The following ADGRB3 variants were observed in gnomAD, a reference collection of about 807,000 sequenced individuals.
ADGRB3 encodes adhesion G protein-coupled receptor B3, also known as brain-specific angiogenesis inhibitor 3.
A neutral mutation model predicts 193.4 loss-of-function variants in ADGRB3; 37 were observed. That is an observed-to-expected ratio of 0.19 (90% CI 0.15 to 0.25). ADGRB3 has a LOEUF of 0.25. Among genes scored for constraint, ADGRB3 ranks in the 10% least tolerant of loss-of-function variants. The pLI, the probability that ADGRB3 is intolerant of heterozygous loss-of-function variation, is 1.00. For synonymous variants in ADGRB3, 690 were observed against 644.2 expected, an observed-to-expected ratio of 1.07 and a Z score of -1.08; for missense variants, 1,637 against 1,852.9, an observed-to-expected ratio of 0.88 and a Z score of 2.14.
At chr6:69,087,276 A>G (rs1222225121) in intron 17 of ADGRB3, among the ~76,000 whole-genome samples, 1 of 152,198 alleles carries the variant, frequency 6.6e-6, no homozygotes, top group Non-Finnish European at 1.5e-5. Flanking sequence ...ATTCATTACC[A>G]TTCACCTCTC....
intron 17 of ADGRB3, among the ~76,000 whole-genome samples, chr6:69,090,595 C>T (rs1056745465): frequency 6.6e-6 from 1 of 152,120 alleles, no homozygotes; most frequent in African/African-American, 2.4e-5. Flanking sequence ...AATGTTGGTA[C>T]TGGGGACACA....
chr6:69,222,572 A>G (rs1166466038), intron 17 of ADGRB3, among the ~76,000 whole-genome samples: 2 of 152,172 alleles, frequency 1.3e-5, no homozygotes, highest in Non-Finnish European at 2.9e-5. Flanking sequence ...TTCATAGATC[A>G]TATAGATCAT....
chr6:69,178,966 A>T (rs1431606727), intron 17 of ADGRB3, among the ~76,000 whole-genome samples: 5 of 151,990 alleles, frequency 3.3e-5, no homozygotes, highest in African/African-American at 1.2e-4. Context: ...TGTTCTCTGG[A>T]TTTGTCGTAA....
intron 20 of ADGRB3, among the ~76,000 whole-genome samples, chr6:69,319,797 C>T (rs1768406068): frequency 6.6e-6 from 1 of 151,270 alleles, no homozygotes; most frequent in Non-Finnish European, 1.5e-5. Context: ...CTCTATTTTC[C>T]TGTGTCAGTC....
At chr6:68,648,681 A>G (rs1354480870) in intron 3 of ADGRB3, among the ~76,000 whole-genome samples, 3 of 150,164 alleles carry the variant, frequency 2.0e-5, no homozygotes, top group Non-Finnish European at 4.4e-5. Flanking sequence ...AATGTCACAG[A>G]AACATTTGCT....
chr6:69,257,382 C>T (rs1258600108), intron 20 of ADGRB3, among the ~76,000 whole-genome samples: 3 of 152,100 alleles, frequency 2.0e-5, no homozygotes, highest in African/African-American at 7.2e-5. Flanking sequence ...AATTTCAGAG[C>T]CTGTTATTGG....
In ADGRB3 at chr6:69,333,744, A is replaced by C. The variant is rs551765213; in HGVS notation, c.3188+736A>C. Among the ~76,000 whole-genome samples, 23 of 151,020 alleles carry C rather than the reference A, an allele frequency of 1.5e-4. No individual in the cohort carries two copies. In the South Asian group the frequency reaches 4.4e-3, roughly 29 times the overall value. On this transcript the variant is annotated intron_variant, in intron 24 of 31. Transcript: ENST00000370598. ...GTGGGCAGATCACGAGATCGAGACC[A>C]CAGTGAAACCCCGTCTCTACTAAAA...
intron 3 of ADGRB3, among the ~76,000 whole-genome samples, chr6:68,677,530 T>C (rs537897599): frequency 6.8e-6 from 1 of 147,008 alleles, no homozygotes. Flanking sequence ...TCTTTTTTTT[T>C]TTTTTTTTGA....
intron 3 of ADGRB3, among the ~76,000 whole-genome samples, chr6:68,833,110 C>T (rs1347324939): frequency 6.6e-6 from 1 of 152,094 alleles, no homozygotes; most frequent in Non-Finnish European, 1.5e-5. Context: ...AAAATAACCA[C>T]ATCCATTCTT....
chr6:69,247,275 C>A (rs547239751), intron 20 of ADGRB3, among the ~76,000 whole-genome samples: 1 of 152,122 alleles, frequency 6.6e-6, no homozygotes, highest in Non-Finnish European at 1.5e-5. Flanking sequence ...GCCTGAAGTA[C>A]CTAAGTTGAC....
intron 22 of ADGRB3, among the ~76,000 whole-genome samples, chr6:69,328,119 A>G (rs1768620156): frequency 6.6e-6 from 1 of 152,198 alleles, no homozygotes; most frequent in Non-Finnish European, 1.5e-5. Flanking sequence ...TAAGACCAGC[A>G]TATTTGGCTT....
rs751049558 is a variant in ADGRB3, at chr6:69,075,995, G to A, written c.2437G>A (p.Gly813Ser). The A allele has an allele frequency of 1.2e-6, 2 of 1,603,756 alleles. No individual in the cohort carries two copies. Among genetic ancestry groups the A allele is most frequent in the South Asian group, 2.2e-5 (2 of 89,718 alleles). ...LEIELAHLAN[G>S]TLNPYCVLWD... ...CATTCTTTCTCTGCTTTTTTTTTAGGGTACTTTGAATCCCTATTGTGTATT... is the reference window on the plus strand; with the variant it reads ...CATTCTTTCTCTGCTTTTTTTTTAGAGTACTTTGAATCCCTATTGTGTATT... Residue 813 changes from glycine (G) to serine (S), a missense_variant and splice_region_variant, in exon 17 of 32, where the codon GGT (glycine) becomes AGT (serine). Around this residue, in one of 7 missense-constraint regions of ADGRB3, gnomAD observed 641 missense variants for 673.9 expected, o/e 0.95. Transcript: ENST00000370598.
intron 3 of ADGRB3, among the ~76,000 whole-genome samples, chr6:68,718,471 G>T (rs1582144401): frequency 6.6e-6 from 1 of 151,724 alleles, no homozygotes; most frequent in Admixed American, 6.6e-5. Flanking sequence ...GCCTCTGTCA[G>T]CTCCACTTAG....
chr6:69,217,998 A>G (rs1582553573), intron 17 of ADGRB3, among the ~76,000 whole-genome samples: 1 of 151,418 alleles, frequency 6.6e-6, no homozygotes, highest in East Asian at 2.0e-4. Context: ...GGAGGTCTTG[A>G]GATATACATA....
Position 69,329,293 on chromosome 6 carries a change from A to G in ADGRB3, c.3036-1213A>G, listed in dbSNP as rs895356880. 3.9e-5 allele frequency among the ~76,000 whole-genome samples: 6 copies of G among 152,324 alleles called. No individual in the cohort carries two copies. The South Asian group carries it at 6.2e-4, about 16-fold the overall frequency. On this transcript the variant is annotated intron_variant, in intron 22 of 31. Transcript: ENST00000370598. ...CCAGGTATTTTATTTAAAAATAGAT[A>G]TTAAAGTGGAAAAGTACGGTTTTAT...
In ADGRB3 at chr6:68,964,547, C is replaced by T. The variant is rs61198917; in HGVS notation, c.1525+7738C>T. On this transcript the variant is annotated intron_variant, in intron 8 of 31. Coordinates refer to ENST00000370598, the MANE Select transcript of ADGRB3 (RefSeq NM_001704.3). ...TAAGGTAATACAGAAACTTAGTAAA[C>T]GTAACTTTCCAGCAAAATGTTGAGC... is the stretch of plus-strand genomic sequence containing the variant. Among the ~76,000 whole-genome samples the T allele has an allele frequency of 3.2e-3, 490 of 152,230 alleles. 4 individuals carry two copies. The highest frequency in any genetic ancestry group is 0.011 in the African/African-American group (461 of 41,552).
chr6:68,722,718 A>C lies in ADGRB3; in HGVS notation c.757+83286A>C, dbSNP rs538584972. 2.0e-3 allele frequency among the ~76,000 whole-genome samples: 307 copies of C among 151,614 alleles called. 3 individuals carry two copies. The highest frequency in any genetic ancestry group is 7.2e-3 in the African/African-American group (297 of 41,428). ...AAAAAGCACTTTATTTTTTTTAAATAATGTGATTACAGACTGTCCCGTAAC... is the reference window on the plus strand; with the variant it reads ...AAAAAGCACTTTATTTTTTTTAAATCATGTGATTACAGACTGTCCCGTAAC... On this transcript the variant is annotated intron_variant, in intron 3 of 31. Transcript: ENST00000370598.
At chr6:68,696,250 A>C (rs762555114) in intron 3 of ADGRB3, among the ~76,000 whole-genome samples, 1 of 152,038 alleles carries the variant, frequency 6.6e-6, no homozygotes, top group Non-Finnish European at 1.5e-5. Flanking sequence ...CTGTGGAATC[A>C]AATGCTTATT....
At chr6:68,777,706 C>T (rs1766776159) in intron 3 of ADGRB3, among the ~76,000 whole-genome samples, 2 of 146,624 alleles carry the variant, frequency 1.4e-5, no homozygotes, top group South Asian at 2.1e-4. Context: ...TAAACATGAG[C>T]AGATATGCTA....
Sources: allele counts gnomAD v4.1 joint callset (sites outside exome capture counted in the v4.1 genomes callset), GRCh38; gene constraint gnomAD v4.1.1; regional missense constraint gnomAD v4.1.1; transcripts MANE v1.5; gene names NCBI Gene and HGNC (gene_info 2026-07-23, HGNC 2026-07-21).